Variants in CDH23 observed in about 807,000 individuals in gnomAD.
The protein encoded by CDH23 is cadherin-23.
CDH23 carries 189 observed loss-of-function variants against 317.1 expected under a neutral mutation model. The ratio of observed to expected loss-of-function variants is 0.60; its 90% confidence interval spans 0.53 to 0.67. The LOEUF is 0.67. Ranked by LOEUF, CDH23 falls within the 30% of genes least tolerant of loss-of-function variation. The pLI is 0.00. For missense variants in CDH23, 4,401 were observed against 4,592.4 expected, an observed-to-expected ratio of 0.96 and a Z score of 1.20; for synonymous variants, 1,839 against 1,876.8, an observed-to-expected ratio of 0.98 and a Z score of 0.52.
rs552423315 is a variant in CDH23 at position 71,636,194 on chromosome 10, G to C, written c.1135-7667G>C. The stretch of plus-strand genomic sequence containing the variant: ...GAGAGAATCAGGAGAATGGGAGAGA[G>C]AGTTTGGGCTGGAGTCATGGAAAGC... On this transcript the variant is annotated intron_variant, in intron 11 of 69. Coordinates refer to ENST00000224721, the MANE Select transcript of CDH23 (RefSeq NM_022124.6). Among the ~76,000 whole-genome samples, 4 of 152,210 alleles carry C rather than the reference G, an allele frequency of 2.6e-5. No individual in the cohort carries two copies. In the East Asian group the frequency reaches 7.7e-4, roughly 29 times the overall value.
intron 6 of CDH23, among the ~76,000 whole-genome samples, chr10:71,544,113 T>A (rs530362324): frequency 5.1e-4 from 77 of 152,274 alleles, no homozygotes; most frequent in Middle Eastern, 3.4e-3. Context: ...AGATAAAGCT[T>A]TTATTATTCA....
intron 3 of CDH23, among the ~76,000 whole-genome samples, chr10:71,448,655 C>G (rs1490191312): frequency 6.6e-6 from 1 of 152,224 alleles, no homozygotes; most frequent in Non-Finnish European, 1.5e-5. Flanking sequence ...CTGCACCTCT[C>G]TGGGCCTCTA....
intron 41 of CDH23, among the ~76,000 whole-genome samples, chr10:71,781,467 C>T (rs1161659389): frequency 1.3e-5 from 2 of 152,172 alleles, no homozygotes; most frequent in Non-Finnish European, 2.9e-5. Context: ...GATGCCGGCA[C>T]CTGGTGGAGA....
At chr10:71,491,727 A>G (rs1370843285) in intron 3 of CDH23, among the ~76,000 whole-genome samples, 1 of 152,160 alleles carries the variant, frequency 6.6e-6, no homozygotes, top group African/African-American at 2.4e-5. Flanking sequence ...AAGATGAGGT[A>G]AAGAGGTCTT....
At chr10:71,667,352 G>GAGAGAA (rs1281821508) in intron 14 of CDH23, among the ~76,000 whole-genome samples, 1 of 136,454 alleles carries the variant, frequency 7.3e-6, no homozygotes, top group African/African-American at 3.0e-5. Context: ...CAGAGAAAGA[G>GAGAGAA]AGAGAGAGTG....
At chr10:71,736,878 C>T (rs977022502) in intron 34 of CDH23, among the ~76,000 whole-genome samples, 1 of 152,158 alleles carries the variant, frequency 6.6e-6, no homozygotes, top group Non-Finnish European at 1.5e-5. Context: ...AATAAGGTGT[C>T]AGGGAACTAG....
chr10:71,565,365 G>A (rs1369182750), intron 6 of CDH23, among the ~76,000 whole-genome samples: 1 of 152,106 alleles, frequency 6.6e-6, no homozygotes, highest in Non-Finnish European at 1.5e-5. Flanking sequence ...TAGAGCTGGA[G>A]GGGGTAGAGG....
intron 6 of CDH23, among the ~76,000 whole-genome samples, chr10:71,528,387 C>A (rs1347847078): frequency 6.6e-6 from 1 of 152,142 alleles, no homozygotes; most frequent in African/African-American, 2.4e-5. Context: ...CCTCAGTGCC[C>A]CCTCGGCCTG....
intron 69 of CDH23, among the ~76,000 whole-genome samples, chr10:71,813,728 G>A (rs974193898): frequency 7.9e-5 from 12 of 152,058 alleles, no homozygotes; most frequent in African/African-American, 2.4e-4. Flanking sequence ...CCAACGTGGC[G>A]AAACCCCATC....
At chr10:71,581,899 C>T (rs750421077) in intron 9 of CDH23, among the ~76,000 whole-genome samples, 1 of 152,110 alleles carries the variant, frequency 6.6e-6, no homozygotes, top group Admixed American at 6.6e-5. Flanking sequence ...GCTGCACTCA[C>T]CCCCCCAACA....
At position 71,808,872 on chromosome 10, in the gene CDH23, T is replaced by C. The variant is rs890061035; in HGVS notation, c.8722+865T>C. Among the ~76,000 whole-genome samples the C allele has an allele frequency of 1.3e-5, 2 of 152,196 alleles. 1 individual carries two copies. The highest frequency in any genetic ancestry group is 4.1e-4 in the South Asian group (2 of 4,832). On this transcript the variant is annotated intron_variant, in intron 60 of 69. Coordinates refer to ENST00000224721, the MANE Select transcript of CDH23 (RefSeq NM_022124.6). ...TGGCCTTTGACCCCTCTGCCTTCAT[T>C]GCCTGGAATGCCATTTTGACCCCTT...
intron 6 of CDH23, among the ~76,000 whole-genome samples, chr10:71,535,582 G>A (rs541301156): frequency 6.6e-5 from 10 of 152,260 alleles, no homozygotes; most frequent in Admixed American, 1.3e-4. Flanking sequence ...AGACACCCTC[G>A]CATGGGCTTT....
At chr10:71,716,193 G>A (rs1171766648) in intron 28 of CDH23, 2 of 1,551,112 alleles carry the variant, frequency 1.3e-6, no homozygotes, top group South Asian at 1.2e-5. Context: ...CAGGTGGCCA[G>A]CAGGAGGAAG....
At chr10:71,790,472 C>T in intron 46 of CDH23, 59 bp downstream of exon 46, 8 of 1,587,596 alleles carry the variant, frequency 5.0e-6, no homozygotes, top group African/African-American at 1.3e-5. Flanking sequence ...GATGGCCACA[C>T]TGCTGGATTG....
At chr10:71,801,510 T>C (rs189089475) in intron 53 of CDH23, among the ~76,000 whole-genome samples, 2 of 152,206 alleles carry the variant, frequency 1.3e-5, no homozygotes, top group East Asian at 3.9e-4. Flanking sequence ...CCCATTCTCA[T>C]TCCAGTGTCC....
intron 3 of CDH23, among the ~76,000 whole-genome samples, chr10:71,450,228 G>A (rs953769570): frequency 1.3e-5 from 2 of 151,506 alleles, no homozygotes; most frequent in African/African-American, 4.9e-5. Flanking sequence ...AGGTGCTGCA[G>A]GGGTGCTGTC....
intron 47 of CDH23, among the ~76,000 whole-genome samples, chr10:71,791,865 C>T (rs1022098057): frequency 6.6e-6 from 1 of 152,184 alleles, no homozygotes. Flanking sequence ...TGTGAGCCAC[C>T]ACGCCTGGCC....
chr10:71,624,829 A>G (rs923094206), intron 11 of CDH23, among the ~76,000 whole-genome samples: 5 of 151,946 alleles, frequency 3.3e-5, no homozygotes, highest in Non-Finnish European at 5.9e-5. Context: ...CGGCTTGCCT[A>G]AGGTCACACA....
chr10:71,615,844 C>A (rs1014634966), intron 10 of CDH23, among the ~76,000 whole-genome samples: 5 of 152,244 alleles, frequency 3.3e-5, no homozygotes, highest in Middle Eastern at 3.2e-3. Flanking sequence ...CCATCATCAA[C>A]AACCACACGG....
Sources: allele counts gnomAD v4.1 joint callset (sites outside exome capture counted in the v4.1 genomes callset), GRCh38; gene constraint gnomAD v4.1.1; transcripts MANE v1.5; gene names NCBI Gene and HGNC (gene_info 2026-07-23, HGNC 2026-07-21).